Variants in SASH1 observed in about 807,000 individuals in gnomAD.
SASH1 encodes SAM and SH3 domain containing 1, also known as SAM and SH3 domain-containing protein 1.
In SASH1, 44 loss-of-function variants were observed where a neutral mutation model predicts 125.2. The observed-to-expected ratio is 0.35, with a 90% CI of 0.28 to 0.45. The LOEUF (loss-of-function observed/expected upper bound fraction) is 0.45. SASH1 is among the 20% of genes least tolerant of loss of function. SASH1 has a pLI of 1.00. For missense variants in SASH1, 1,426 were observed against 1,614.5 expected (o/e 0.88, Z 2.00); for synonymous variants, 639 against 649.1 (o/e 0.98, Z 0.24).
In SASH1 at chr6:148,367,944, A is replaced by G. The variant is rs111295779; in HGVS notation, c.157-22190A>G. ...CGGGGTCTACCGCAAGCCCAGCCTC[A>G]GGAAGAAATAATGGAGTGGAGGATG... On this transcript the variant is annotated intron_variant, in intron 1 of 19. Coordinates refer to ENST00000367467, the MANE Select transcript of SASH1 (RefSeq NM_015278.5). 1.1e-4 allele frequency among the ~76,000 whole-genome samples: 16 copies of G among 152,354 alleles called. 1 individual carries two copies. The highest frequency in any genetic ancestry group is 3.4e-4 in the African/African-American group (14 of 41,588).
the SASH1 span, among the ~76,000 whole-genome samples, chr6:148,255,236 A>G: frequency 2.6e-5 from 4 of 152,202 alleles, no homozygotes; most frequent in African/African-American, 9.6e-5. Flanking sequence ...GTCCAAGACC[A>G]AGGTGTTGGT....
intron 7 of SASH1, among the ~76,000 whole-genome samples, chr6:148,482,476 G>A (rs1218069306): frequency 1.3e-5 from 2 of 151,850 alleles, no homozygotes; most frequent in Admixed American, 6.6e-5. Flanking sequence ...GAAGCAAAGA[G>A]CACTTAATGT....
chr6:148,220,386 A>G, the SASH1 span, among the ~76,000 whole-genome samples: 141 of 152,308 alleles, frequency 9.3e-4, no homozygotes, highest in African/African-American at 3.2e-3. Context: ...TAAGGCACTA[A>G]TCCATTCATA....
Position 148,529,056 on chromosome 6 carries a change from C to T in SASH1, c.1428+1460C>T, listed in dbSNP as rs916498447. Among the ~76,000 whole-genome samples, 8 of 152,174 alleles carry T rather than the reference C, an allele frequency of 5.3e-5. No individual in the cohort carries two copies. Among genetic ancestry groups the T allele is most frequent in the African/African-American group, 1.2e-4 (5 of 41,512 alleles). ...TGCTCCTACGAGAATCTAATACCGCCGCTGATCTGACAGGAGGTGGAGCTC... is the reference window on the plus strand; with the variant it reads ...TGCTCCTACGAGAATCTAATACCGCTGCTGATCTGACAGGAGGTGGAGCTC... On this transcript the variant is annotated intron_variant, in intron 12 of 19. Transcript: ENST00000367467. The surrounding 1 kb of genome is among the most constrained non-coding windows in gnomAD (Gnocchi z 4.2).
At chr6:148,298,158 C>A (rs1322403414) in intron 1 of SASH1, among the ~76,000 whole-genome samples, 1 of 151,642 alleles carries the variant, frequency 6.6e-6, no homozygotes, top group Non-Finnish European at 1.5e-5. Flanking sequence ...AGGTACCCAC[C>A]ATTATGCCCA....
At chr6:148,312,763 C>T (rs1014733581) in intron 1 of SASH1, among the ~76,000 whole-genome samples, 9 of 152,014 alleles carry the variant, frequency 5.9e-5, no homozygotes, top group Non-Finnish European at 1.3e-4. Context: ...TTTAGATGTG[C>T]CTTTATATTC....
At chr6:148,274,149 G>A (rs574248640) in intron 1 of SASH1, among the ~76,000 whole-genome samples, 2 of 152,298 alleles carry the variant, frequency 1.3e-5, no homozygotes, top group South Asian at 2.1e-4. Flanking sequence ...AGTTGTGAGA[G>A]GTAACAGTCA....
chr6:148,458,606 A>T (rs545978648), intron 4 of SASH1, among the ~76,000 whole-genome samples: 29 of 152,246 alleles, frequency 1.9e-4, no homozygotes, highest in African/African-American at 6.7e-4. Context: ...GCAAACAATA[A>T]ATCATTGATT....
chr6:148,389,518 T>C (rs547987444), intron 1 of SASH1, among the ~76,000 whole-genome samples: 2 of 152,368 alleles, frequency 1.3e-5, no homozygotes, highest in African/African-American at 4.8e-5. Flanking sequence ...TGAATATTAA[T>C]GAACACTAAT....
chr6:148,533,095 T>C lies in SASH1; in HGVS notation c.1734+129T>C. ...CTGGACAGTATCTTGGCTACCTCGATCACTGGTCTCCTCTGTAGTGAAAAA... is the reference window on the plus strand; with the variant it reads ...CTGGACAGTATCTTGGCTACCTCGACCACTGGTCTCCTCTGTAGTGAAAAA... On this transcript the variant is annotated intron_variant, in intron 14 of 19. Coordinates refer to ENST00000367467, the MANE Select transcript of SASH1 (RefSeq NM_015278.5). The surrounding 1 kb of genome is among the most constrained non-coding windows in gnomAD (Gnocchi z 6.2). 1.0e-6 allele frequency: 1 copy of C among 994,696 alleles called. No individual in the cohort carries two copies. Among genetic ancestry groups the C allele is most frequent in the Non-Finnish European group, 1.5e-6 (1 of 663,930 alleles). 61.6% of individuals were successfully genotyped at this position (994,696 alleles called of 1,614,324 possible). A position where few individuals can be genotyped will look rare whatever the true frequency, so the allele number is the denominator to read the frequency against.
chr6:148,472,025 C>T (rs892800281), intron 6 of SASH1, among the ~76,000 whole-genome samples: 2 of 152,222 alleles, frequency 1.3e-5, no homozygotes, highest in Non-Finnish European at 2.9e-5. Flanking sequence ...CTGCCCTACT[C>T]TTGGCTGTGT....
chr6:148,350,564 G>A (rs959526887), intron 1 of SASH1, among the ~76,000 whole-genome samples: 4 of 152,170 alleles, frequency 2.6e-5, no homozygotes, highest in Non-Finnish European at 4.4e-5. Flanking sequence ...AAAAACTATT[G>A]TTTATCTAAT....
intron 2 of SASH1, among the ~76,000 whole-genome samples, chr6:148,432,044 C>T (rs377100145): frequency 2.0e-5 from 3 of 150,552 alleles, no homozygotes; most frequent in East Asian, 1.9e-4. Context: ...GACGCAATCT[C>T]GGCTCACAGC....
At chr6:148,486,678 G>T (rs888710076) in intron 7 of SASH1, among the ~76,000 whole-genome samples, 1 of 150,544 alleles carries the variant, frequency 6.6e-6, no homozygotes, top group Non-Finnish European at 1.5e-5. Flanking sequence ...CATTTTGGGA[G>T]GCTGAGGGGG....
intron 2 of SASH1, among the ~76,000 whole-genome samples, chr6:148,436,213 G>A (rs1282078789): frequency 2.6e-5 from 4 of 152,168 alleles, no homozygotes; most frequent in Admixed American, 2.6e-4. Flanking sequence ...TACCATAGGA[G>A]GCTGTTATAG....
rs182534020 is a variant in SASH1, at chr6:148,465,100, T to C, written c.387-3445T>C. Among the ~76,000 whole-genome samples the C allele has an allele frequency of 3.4e-3, 512 of 152,346 alleles. 3 individuals are homozygous for C. The highest frequency in any genetic ancestry group is 0.011 in the African/African-American group (477 of 41,584). ...ATGCAATCACATTTTGTGCTAATGG[T>C]GTAGCAGTGGGAGCGTACATTTTTC... On this transcript the variant is annotated intron_variant, in intron 4 of 19. Coordinates refer to ENST00000367467, the MANE Select transcript of SASH1 (RefSeq NM_015278.5).
chr6:148,293,155 A>G (rs898835817), intron 1 of SASH1, among the ~76,000 whole-genome samples: 3 of 152,156 alleles, frequency 2.0e-5, no homozygotes, highest in African/African-American at 7.2e-5. Flanking sequence ...TCACCTGGAT[A>G]TAGTGGCCAC....
intron 1 of SASH1, among the ~76,000 whole-genome samples, chr6:148,309,553 T>C (rs1438958891): frequency 4.6e-5 from 7 of 151,888 alleles, no homozygotes; most frequent in Admixed American, 1.3e-4. Flanking sequence ...TGGCAAATGA[T>C]CATTCCTTAG....
chr6:148,453,591 A>G lies in SASH1; in HGVS notation c.386+13184A>G, dbSNP rs116497165. ...GGGCAGACTGCTTCTCATCCACCCA[A>G]CTACAGGTACAATCAAAGACTGGGG... On this transcript the variant is annotated intron_variant, in intron 4 of 19. Coordinates refer to ENST00000367467, the MANE Select transcript of SASH1 (RefSeq NM_015278.5). 2.3e-3 allele frequency among the ~76,000 whole-genome samples: 348 copies of G among 152,232 alleles called. 3 individuals carry two copies. Among genetic ancestry groups the G allele is most frequent in the African/African-American group, 7.9e-3 (329 of 41,542 alleles).
Sources: gnomAD v4.1 joint callset for allele counts (sites outside exome capture counted in the v4.1 genomes callset) on GRCh38, gnomAD v4.1.1 for gene constraint, Gnocchi (gnomAD v3.1) non-coding constraint, MANE v1.5 for transcripts, NCBI Gene and HGNC (gene_info 2026-07-23, HGNC 2026-07-21) for gene names.